The following KCNJ16 variants were observed in gnomAD, a reference collection of about 807,000 sequenced individuals.
KCNJ16 encodes potassium inwardly rectifying channel subfamily J member 16.
In KCNJ16, 15 loss-of-function variants were observed where a neutral mutation model predicts 18.5. That is an observed-to-expected ratio of 0.81 (90% CI 0.54 to 1.25). KCNJ16 has a LOEUF of 1.25. Ranked by LOEUF, KCNJ16 falls within the 50% of genes most tolerant of loss-of-function variation. The probability of loss-of-function intolerance (pLI) is 0.00; values close to 1 mark genes in which losing one functional copy is unlikely to be tolerated. For synonymous variants in KCNJ16, 174 were observed against 186.5 expected (o/e 0.93, Z 0.55); for missense variants, 523 against 525.7 (o/e 0.99, Z 0.05).
intron 2 of KCNJ16, among the ~76,000 whole-genome samples, chr17:70,103,321 T>TATACACAC (rs1355893521): frequency 2.2e-5 from 1 of 44,488 alleles, no homozygotes; most frequent in Non-Finnish European, 5.2e-5. Context: ...TATATATATA[T>TATACACAC]ACACACACAT....
intron 2 of KCNJ16, among the ~76,000 whole-genome samples, chr17:70,127,679 A>G (rs757852176): frequency 1.3e-5 from 2 of 152,080 alleles, no homozygotes; most frequent in Non-Finnish European, 2.9e-5. Context: ...CTTCAAAGGC[A>G]ATGACCTGCA....
At chr17:70,089,567 G>A (rs1421873120) in intron 1 of KCNJ16, among the ~76,000 whole-genome samples, 2 of 152,122 alleles carry the variant, frequency 1.3e-5, no homozygotes, top group African/African-American at 4.8e-5. Flanking sequence ...AAAACATAAT[G>A]CCTGCAGTTA....
chr17:70,083,884 A>G (rs997751218), intron 1 of KCNJ16, among the ~76,000 whole-genome samples: 5 of 152,130 alleles, frequency 3.3e-5, no homozygotes, highest in Non-Finnish European at 7.4e-5. Flanking sequence ...AGAATATTGA[A>G]ACCAGTGAGG....
At chr17:70,098,855 A>G (rs2072501054) in intron 1 of KCNJ16, among the ~76,000 whole-genome samples, 1 of 152,200 alleles carries the variant, frequency 6.6e-6, no homozygotes, top group African/African-American at 2.4e-5. Context: ...AATAATTATG[A>G]ATTAAAATAT....
chr17:70,097,667 T>C (rs771261346), intron 1 of KCNJ16, among the ~76,000 whole-genome samples: 12 of 152,194 alleles, frequency 7.9e-5, no homozygotes, highest in Non-Finnish European at 1.6e-4. Flanking sequence ...TTGTCTCCTT[T>C]ACCCACTACC....
At chr17:70,114,222 T>C (rs1033894686) in intron 2 of KCNJ16, among the ~76,000 whole-genome samples, 3 of 152,150 alleles carry the variant, frequency 2.0e-5, no homozygotes, top group Admixed American at 6.6e-5. Flanking sequence ...AAAGAAGTTG[T>C]AGACACTATC....
At position 70,132,889 on chromosome 17, in the gene KCNJ16, C is replaced by G. The variant is rs199780618; in HGVS notation, c.802C>G (p.Arg268Gly). 32 of 1,614,082 alleles carry G rather than the reference C, an allele frequency of 2.0e-5. No homozygotes were observed. The South Asian group carries it at 3.3e-4, about 17-fold the overall frequency. The change falls in exon 4 of 4, where the codon CGC becomes GGC. Residue 268 changes from arginine to glycine, a missense_variant. Transcript: ENST00000392671. ...TGAGAGCCCTCTGTATGCCCTTGAC[C>G]GCAAAGCAGTAGCCAAAGATAACTT... ...DHESPLYALD[R>G]KAVAKDNFEI...
chr17:70,132,543 C>G lies in KCNJ16; in HGVS notation c.456C>G (p.Leu152=). 6.2e-7 allele frequency: 1 copy of G among 1,614,190 alleles called. No individual in the cohort carries two copies. The highest frequency in any genetic ancestry group is 8.5e-7 in the Non-Finnish European group (1 of 1,180,034). Residue 152 remains leucine (L), a synonymous_variant, in exon 4 of 4, where the codon CTC becomes CTG. Transcript: ENST00000392671. The part of the protein sequence containing the change: ...ECSVAVLMVI[L]QSILSCIINT... ...CTGTGGCCGTGCTCATGGTGATCCT[C>G]CAGTCCATCTTAAGTTGCATCATAA...
At position 70,125,840 on chromosome 17, in the gene KCNJ16, G is replaced by A. The variant is rs568528890; in HGVS notation, c.-190-5039G>A. Among the ~76,000 whole-genome samples the A allele has an allele frequency of 3.9e-5, 6 of 152,150 alleles. No individual in the cohort carries two copies. The East Asian group carries it at 1.2e-3, about 30-fold the overall frequency. On this transcript the variant is annotated intron_variant, in intron 2 of 3. Transcript: ENST00000392671. ...TCAGCTACTCGGGAGGCTGAGGCAGGAGAATTGCTTGAACCCGGGAGGTAG... is the reference window on the plus strand; with the variant it reads ...TCAGCTACTCGGGAGGCTGAGGCAGAAGAATTGCTTGAACCCGGGAGGTAG...
rs77277323 is a variant in KCNJ16 at position 70,077,674 on chromosome 17, G to GT, written c.-300+2296dup. On this transcript the variant is annotated intron_variant, in intron 1 of 3. Transcript: ENST00000392671. Reference sequence around the variant, plus strand: ...AATGCCTCTTTCCTGGTTAGGCTGTGTTTTTTTTTTTTGTTTGTTTGTTTT... The same window carrying GT: ...AATGCCTCTTTCCTGGTTAGGCTGTGTTTTTTTTTTTTTGTTTGTTTGTTTT... Among the ~76,000 whole-genome samples the GT allele has an allele frequency of 1.8e-3, 269 of 149,466 alleles. 1 individual carries two copies. Among genetic ancestry groups the GT allele is most frequent in the Non-Finnish European group, 2.5e-3 (171 of 67,428 alleles).
chr17:70,075,701 A>G (rs911845400), intron 1 of KCNJ16, among the ~76,000 whole-genome samples: 3 of 152,150 alleles, frequency 2.0e-5, no homozygotes, highest in Admixed American at 6.6e-5. Context: ...TATTATATTC[A>G]TACCACATGG....
chr17:70,092,574 G>GATAGAT (rs2072166131), intron 1 of KCNJ16, among the ~76,000 whole-genome samples: 1 of 138,004 alleles, frequency 7.2e-6, no homozygotes, highest in Non-Finnish European at 1.6e-5. Flanking sequence ...GATATAGATA[G>GATAGAT]ATAGATAGAT....
intron 2 of KCNJ16, among the ~76,000 whole-genome samples, chr17:70,124,100 A>T (rs1427874322): frequency 6.6e-6 from 1 of 152,214 alleles, no homozygotes; most frequent in Non-Finnish European, 1.5e-5. Context: ...TCAAACAAAC[A>T]AAATAAGATA....
At chr17:70,084,826 C>T (rs926371023) in intron 1 of KCNJ16, among the ~76,000 whole-genome samples, 8 of 151,952 alleles carry the variant, frequency 5.3e-5, no homozygotes, top group African/African-American at 7.3e-5. Flanking sequence ...TCCTTGATCA[C>T]TAATAATAAT....
intron 2 of KCNJ16, among the ~76,000 whole-genome samples, chr17:70,106,545 A>G (rs2072936225): frequency 6.6e-6 from 1 of 152,154 alleles, no homozygotes; most frequent in African/African-American, 2.4e-5. Flanking sequence ...CCAAAGATAC[A>G]TGTTTTGCTC....
intron 2 of KCNJ16, among the ~76,000 whole-genome samples, chr17:70,110,000 C>T (rs1220948890): frequency 6.6e-6 from 1 of 152,158 alleles, no homozygotes; most frequent in Non-Finnish European, 1.5e-5. Context: ...AAGGGGAAGG[C>T]ACTGCTTCTA....
At chr17:70,114,180 G>A (rs1487584483) in intron 2 of KCNJ16, among the ~76,000 whole-genome samples, 2 of 152,060 alleles carry the variant, frequency 1.3e-5, no homozygotes, top group Non-Finnish European at 2.9e-5. Flanking sequence ...CATTGCAACA[G>A]CTTAAAACAG....
At chr17:70,089,107 A>G (rs2071970939) in intron 1 of KCNJ16, among the ~76,000 whole-genome samples, 1 of 152,222 alleles carries the variant, frequency 6.6e-6, no homozygotes, top group Non-Finnish European at 1.5e-5. Context: ...TAACACAGGA[A>G]TACAAACAGG....
chr17:70,133,230 C>T lies in KCNJ16; in HGVS notation c.1143C>T (p.Ser381=), dbSNP rs753665680. ...CATTTAGTGCAGTTGCCATTGTCAG[C>T]AGCTGTGAAAACCCTGAGGAGACCA... is the stretch of plus-strand genomic sequence containing the variant. ...RRSFSAVAIV[S]SCENPEETTT... is the part of the protein sequence containing the mutation. Residue 381 remains serine, a synonymous_variant, in exon 4 of 4, where the codon AGC becomes AGT. Transcript: ENST00000392671. The T allele has an allele frequency of 3.1e-6, 5 of 1,614,154 alleles. No individual in the cohort carries two copies. The highest frequency in any genetic ancestry group is 3.4e-6 in the Non-Finnish European group (4 of 1,180,022).
Sources: allele counts gnomAD v4.1 joint callset (sites outside exome capture counted in the v4.1 genomes callset), GRCh38; gene constraint gnomAD v4.1.1; transcripts MANE v1.5; gene names NCBI Gene and HGNC (gene_info 2026-07-23, HGNC 2026-07-21).